Variants in LRP1B observed in about 807,000 individuals in gnomAD.
LRP1B encodes the protein LDL receptor related protein 1B.
A neutral mutation model predicts 556.6 loss-of-function variants in LRP1B; 217 were observed. That is an observed-to-expected ratio of 0.39 (90% confidence interval 0.35 to 0.44). The LOEUF (loss-of-function observed/expected upper bound fraction) is 0.44, where lower values mean the gene tolerates loss of function less well. LRP1B is among the 20% of genes least tolerant of loss of function. The pLI, the probability that LRP1B is intolerant of heterozygous loss-of-function variation, is 1.00. For missense variants in LRP1B, 5,053 were observed against 5,620.8 expected, an observed-to-expected ratio of 0.90 and a Z score of 3.23; for synonymous variants, 2,047 against 1,865.8, an observed-to-expected ratio of 1.10 and a Z score of -2.50.
intron 42 of LRP1B, among the ~76,000 whole-genome samples, chr2:140,600,431 C>T (rs1329355528): frequency 2.0e-5 from 3 of 152,104 alleles, no homozygotes; most frequent in South Asian, 2.1e-4. Context: ...TCACTTTTAG[C>T]TCTATAAAAG....
At chr2:141,077,259 AAAACAAAAAC>A (rs1267534751) in intron 7 of LRP1B, among the ~76,000 whole-genome samples, 2 of 123,312 alleles carry the variant, frequency 1.6e-5, no homozygotes, top group African/African-American at 2.6e-5. Flanking sequence ...AAAACAAACA[AAAACAAAAAC>A]AAACAAACAA....
At chr2:140,576,732 A>G (rs1681540342) in intron 43 of LRP1B, among the ~76,000 whole-genome samples, 1 of 152,202 alleles carries the variant, frequency 6.6e-6, no homozygotes, top group Non-Finnish European at 1.5e-5. Context: ...TTACCATAAA[A>G]GTAGTCTACA....
intron 41 of LRP1B, among the ~76,000 whole-genome samples, chr2:140,632,469 C>A (rs752255392): frequency 1.3e-5 from 2 of 151,596 alleles, no homozygotes. Context: ...ATGTTTATTG[C>A]AAACCATAGG....
intron 1 of LRP1B, among the ~76,000 whole-genome samples, chr2:141,915,073 G>A (rs1409366599): frequency 2.0e-5 from 3 of 152,068 alleles, no homozygotes; most frequent in African/African-American, 7.2e-5. Context: ...CAAAATCACA[G>A]GCATCACATT....
chr2:141,746,815 C>G (rs1043710315), intron 2 of LRP1B, among the ~76,000 whole-genome samples: 1 of 152,038 alleles, frequency 6.6e-6, no homozygotes, highest in African/African-American at 2.4e-5. Flanking sequence ...TATTAATACC[C>G]TTATGGTATT....
At chr2:140,923,672 C>CA (rs1413662871) in intron 20 of LRP1B, among the ~76,000 whole-genome samples, 1 of 151,552 alleles carries the variant, frequency 6.6e-6, no homozygotes, top group Non-Finnish European at 1.5e-5. Context: ...GAAATAGATA[C>CA]AAAAAAACAG....
chr2:140,570,466 C>A (rs1318947479), intron 43 of LRP1B, among the ~76,000 whole-genome samples: 1 of 151,530 alleles, frequency 6.6e-6, no homozygotes, highest in Non-Finnish European at 1.5e-5. Context: ...CCTACCAACA[C>A]TGAACCAAGA....
intron 2 of LRP1B, among the ~76,000 whole-genome samples, chr2:141,610,339 AT>A (rs1688066339): frequency 6.7e-6 from 1 of 150,198 alleles, no homozygotes; most frequent in Admixed American, 6.6e-5. Flanking sequence ...AATAATAATA[AT>A]AATAAAAAGA....
intron 66 of LRP1B, among the ~76,000 whole-genome samples, chr2:140,420,927 T>C (rs112028114): frequency 0.014 from 2,171 of 152,190 alleles, 56 homozygotes; most frequent in African/African-American, 0.05. Context: ...TATATACAAC[T>C]TTTAAAACTT....
chr2:140,426,890 C>T (rs929603838), intron 66 of LRP1B, among the ~76,000 whole-genome samples: 1 of 152,154 alleles, frequency 6.6e-6, no homozygotes, highest in Non-Finnish European at 1.5e-5. Context: ...AAAGATCCAC[C>T]TACCACCTCA....
intron 3 of LRP1B, among the ~76,000 whole-genome samples, chr2:141,390,609 T>A (rs1690014731): frequency 6.6e-6 from 1 of 152,212 alleles, no homozygotes; most frequent in African/African-American, 2.4e-5. Flanking sequence ...TAAATAGGAA[T>A]GAAGTACTGA....
At chr2:140,583,481 C>A (rs1681863027) in intron 43 of LRP1B, among the ~76,000 whole-genome samples, 1 of 151,992 alleles carries the variant, frequency 6.6e-6, no homozygotes, top group Admixed American at 6.5e-5. Flanking sequence ...CAGCCAGTTT[C>A]TCCTTTAATA....
intron 5 of LRP1B, among the ~76,000 whole-genome samples, chr2:141,237,469 G>C: frequency 6.6e-6 from 1 of 150,986 alleles, no homozygotes; most frequent in Admixed American, 6.6e-5. Context: ...GCCTCCCAAA[G>C]TGCCAGGACT....
At chr2:141,022,059 C>T (rs1698079315) in intron 11 of LRP1B, among the ~76,000 whole-genome samples, 1 of 151,524 alleles carries the variant, frequency 6.6e-6, no homozygotes, top group Non-Finnish European at 1.5e-5. Context: ...TATTTTCTTG[C>T]ATTTTTACCA....
intron 66 of LRP1B, among the ~76,000 whole-genome samples, chr2:140,393,428 C>T (rs954322219): frequency 2.6e-5 from 4 of 151,076 alleles, no homozygotes; most frequent in Admixed American, 1.3e-4. Flanking sequence ...AAAATTGTTT[C>T]GTTCCTTTTT....
chr2:141,003,981 T>C (rs937311221), intron 15 of LRP1B, among the ~76,000 whole-genome samples: 3 of 152,066 alleles, frequency 2.0e-5, no homozygotes, highest in African/African-American at 7.2e-5. Flanking sequence ...AGTGGATTTT[T>C]TCTGTTTAAG....
At chr2:141,802,506 C>T (rs1276454391) in intron 2 of LRP1B, among the ~76,000 whole-genome samples, 4 of 152,034 alleles carry the variant, frequency 2.6e-5, no homozygotes, top group Admixed American at 2.6e-4. Context: ...GCCTGAACTT[C>T]AACAGGGCCA....
intron 7 of LRP1B, among the ~76,000 whole-genome samples, chr2:141,158,220 C>A (rs1312094319): frequency 1.3e-5 from 2 of 151,918 alleles, no homozygotes; most frequent in Admixed American, 1.3e-4. Flanking sequence ...GTTTCTTTAC[C>A]CCGCTGCTAT....
rs752938746 is a variant in LRP1B, at chr2:140,506,839, A to G, written c.8478T>C (p.His2826=). The part of the protein sequence containing the change: ...VCIPKQFVCD[H]DDDCGDGSDE... Reference sequence around the variant, plus strand: ...CAGAGCCATCTCCACAGTCGTCATCATGGTCACAAACAAATTGCTTGGGAA... The same window carrying G: ...CAGAGCCATCTCCACAGTCGTCATCGTGGTCACAAACAAATTGCTTGGGAA... The change falls in exon 53 of 91, where the codon CAT becomes CAC. Residue 2826 remains histidine (H), a synonymous_variant. Coordinates refer to ENST00000389484, the MANE Select transcript of LRP1B (RefSeq NM_018557.3). 6.2e-7 allele frequency: 1 copy of G among 1,614,076 alleles called. No homozygotes were observed. The highest frequency in any genetic ancestry group is 2.2e-5 in the East Asian group (1 of 44,830).
Sources: allele counts gnomAD v4.1 joint callset (sites outside exome capture counted in the v4.1 genomes callset), GRCh38; gene constraint gnomAD v4.1.1; transcripts MANE v1.5; gene names NCBI Gene and HGNC (gene_info 2026-07-23, HGNC 2026-07-21).